The following NEGR1 variants were observed in gnomAD, a reference collection of about 807,000 sequenced individuals.
The protein encoded by NEGR1 is neuronal growth regulator 1.
In NEGR1, 10 loss-of-function variants were observed where a neutral mutation model predicts 40.9. The observed-to-expected ratio is 0.24, with a 90% CI of 0.15 to 0.42. NEGR1 has a LOEUF of 0.42. NEGR1 is among the 10% of genes least tolerant of loss of function. NEGR1 has a pLI of 1.00. For missense variants in NEGR1, 352 were observed against 438.9 expected, an observed-to-expected ratio of 0.80 and a Z score of 1.77; for synonymous variants, 185 against 166.8, an observed-to-expected ratio of 1.11 and a Z score of -0.84.
At chr1:72,155,184 A>G (rs1651313899) in intron 1 of NEGR1, among the ~76,000 whole-genome samples, 1 of 151,994 alleles carries the variant, frequency 6.6e-6, no homozygotes, top group South Asian at 2.1e-4. Context: ...CATCATTGAT[A>G]AAACCACTAC....
chr1:71,835,873 A>C (rs1659008211), intron 2 of NEGR1, among the ~76,000 whole-genome samples: 1 of 152,158 alleles, frequency 6.6e-6, no homozygotes, highest in South Asian at 2.1e-4. Flanking sequence ...TAAAAAGATT[A>C]AATGAGATTG....
At chr1:71,684,369 T>C (rs1591382) in intron 4 of NEGR1, among the ~76,000 whole-genome samples, 131,783 of 152,150 alleles carry the variant, frequency 0.87, 57,591 homozygotes, top group Non-Finnish European at 0.93. Flanking sequence ...ATGAGGGTTT[T>C]TAATTAAAAC....
chr1:72,094,059 G>C (rs1216457385), intron 1 of NEGR1, among the ~76,000 whole-genome samples: 1 of 152,044 alleles, frequency 6.6e-6, no homozygotes, highest in Non-Finnish European at 1.5e-5. Flanking sequence ...TTAATAATCA[G>C]TGGTGTCACT....
chr1:72,281,849 GAA>G (rs1178658630), intron 1 of NEGR1, among the ~76,000 whole-genome samples: 2 of 152,130 alleles, frequency 1.3e-5, no homozygotes, highest in African/African-American at 2.4e-5. Flanking sequence ...TAAAAGGAAA[GAA>G]AGATAAAGAG....
chr1:71,943,458 C>T (rs1645991005), intron 1 of NEGR1, among the ~76,000 whole-genome samples: 1 of 151,730 alleles, frequency 6.6e-6, no homozygotes, highest in South Asian at 2.1e-4. Context: ...CATAATTAAA[C>T]TGTTTTTCTG....
chr1:71,733,351 A>C (rs1654948490), intron 3 of NEGR1, among the ~76,000 whole-genome samples: 1 of 152,122 alleles, frequency 6.6e-6, no homozygotes, highest in African/African-American at 2.4e-5. Context: ...TGTGCAGTTT[A>C]GCATCTGAGT....
intron 6 of NEGR1, among the ~76,000 whole-genome samples, chr1:71,457,348 A>G (rs995088458): frequency 1.3e-5 from 2 of 152,228 alleles, no homozygotes; most frequent in African/African-American, 4.8e-5. Flanking sequence ...AAAATTATCA[A>G]GCTTCTACTT....
intron 2 of NEGR1, among the ~76,000 whole-genome samples, chr1:71,907,270 T>C (rs945261832): frequency 4.6e-5 from 7 of 152,148 alleles, no homozygotes; most frequent in African/African-American, 1.7e-4. Context: ...AGAAACTACA[T>C]GGCACTGATT....
At chr1:71,635,925 G>A (rs2101568971) in intron 4 of NEGR1, among the ~76,000 whole-genome samples, 1 of 151,904 alleles carries the variant, frequency 6.6e-6, no homozygotes, top group African/African-American at 2.4e-5. Context: ...CTTGATCTGG[G>A]ATAACTATCA....
intron 2 of NEGR1, among the ~76,000 whole-genome samples, chr1:71,884,104 T>C (rs1287152641): frequency 6.6e-6 from 1 of 152,132 alleles, no homozygotes; most frequent in Non-Finnish European, 1.5e-5. Flanking sequence ...TTCTCCAGGG[T>C]GCCCTTTAAA....
intron 6 of NEGR1, among the ~76,000 whole-genome samples, chr1:71,552,141 T>C (rs1648104915): frequency 6.6e-6 from 1 of 151,492 alleles, no homozygotes; most frequent in Non-Finnish European, 1.5e-5. Flanking sequence ...ATATCATCAC[T>C]TGATATCTGA....
At chr1:72,180,895 G>C (rs1557565717) in intron 1 of NEGR1, among the ~76,000 whole-genome samples, 1 of 152,014 alleles carries the variant, frequency 6.6e-6, no homozygotes, top group Non-Finnish European at 1.5e-5. Context: ...GCAGCAGTTA[G>C]TTTGGGATTT....
chr1:72,168,738 A>G (rs1458392614), intron 1 of NEGR1, among the ~76,000 whole-genome samples: 1 of 152,148 alleles, frequency 6.6e-6, no homozygotes, highest in Admixed American at 6.6e-5. Context: ...AAAATTAAAA[A>G]ATAAAAAATT....
At chr1:71,471,351 A>G (rs1429962761) in intron 6 of NEGR1, among the ~76,000 whole-genome samples, 1 of 152,108 alleles carries the variant, frequency 6.6e-6, no homozygotes, top group Non-Finnish European at 1.5e-5. Context: ...AATTCTAACC[A>G]AGTCCCACAT....
intron 2 of NEGR1, among the ~76,000 whole-genome samples, chr1:71,799,656 C>A (rs1657480991): frequency 6.6e-6 from 1 of 152,142 alleles, no homozygotes; most frequent in Admixed American, 6.5e-5. Flanking sequence ...CTTACACTCC[C>A]ACCAACAGTA....
chr1:72,180,812 G>A (rs1211484303), intron 1 of NEGR1, among the ~76,000 whole-genome samples: 1 of 152,114 alleles, frequency 6.6e-6, no homozygotes, highest in Non-Finnish European at 1.5e-5. Flanking sequence ...AAGAGCCCTA[G>A]GGTTTAAAAC....
intron 1 of NEGR1, among the ~76,000 whole-genome samples, chr1:71,969,684 T>A (rs1646240365): frequency 6.6e-6 from 1 of 152,218 alleles, no homozygotes; most frequent in African/African-American, 2.4e-5. Context: ...TCTAGATTCA[T>A]GAAGAAAATA....
At chr1:71,447,679 T>C (rs1179504192) in intron 6 of NEGR1, among the ~76,000 whole-genome samples, 1 of 152,210 alleles carries the variant, frequency 6.6e-6, no homozygotes, top group Admixed American at 6.5e-5. Flanking sequence ...TGCCCAGTGT[T>C]TGAACGTAAC....
At chr1:71,970,553 A>G (rs963373112) in intron 1 of NEGR1, among the ~76,000 whole-genome samples, 1 of 151,964 alleles carries the variant, frequency 6.6e-6, no homozygotes, top group Non-Finnish European at 1.5e-5. Context: ...TTAGCCAGGC[A>G]TGGTAGTGCG....
Sources: gnomAD v4.1 joint callset for allele counts (sites outside exome capture counted in the v4.1 genomes callset) on GRCh38, gnomAD v4.1.1 for gene constraint, MANE v1.5 for transcripts, NCBI Gene and HGNC (gene_info 2026-07-23, HGNC 2026-07-21) for gene names.